TTLL2: variants seen among roughly 807,000 people sequenced by gnomAD.
TTLL2 encodes probable tubulin polyglutamylase TTLL2.
In TTLL2, 10 loss-of-function variants were observed where a neutral mutation model predicts 7.5. That is an observed-to-expected ratio of 1.33 (90% CI 0.82 to 2.25). The LOEUF (loss-of-function observed/expected upper bound fraction) is 2.25. TTLL2 is among the 30% of genes most tolerant of loss of function. TTLL2 has a pLI of 0.00. For synonymous variants in TTLL2, 284 were observed against 280.3 expected, an observed-to-expected ratio of 1.01 and a Z score of -0.13; for missense variants, 733 against 735.7, an observed-to-expected ratio of 1.00 and a Z score of 0.04.
chr6:167,328,367 C>G (rs1385167433), intron 1 of TTLL2: 2 of 310,938 alleles, frequency 6.4e-6, no homozygotes, highest in East Asian at 7.6e-5. Flanking sequence ...GCCCCATACA[C>G]CCAGGAATAT....
chr6:167,334,394 T>A (rs1778960827), intron 1 of TTLL2, among the ~76,000 whole-genome samples: 1 of 149,130 alleles, frequency 6.7e-6, no homozygotes, highest in Non-Finnish European at 1.5e-5. Flanking sequence ...AGGTGTGGTG[T>A]GGTGCTGAAA....
At chr6:167,325,955 G>A (rs1057501746) in intron 1 of TTLL2, among the ~76,000 whole-genome samples, 5 of 152,240 alleles carry the variant, frequency 3.3e-5, no homozygotes, top group African/African-American at 4.8e-5. Context: ...AACAGCGGCC[G>A]AGAACGGGTG....
chr6:167,332,359 C>T (rs1343258952), intron 1 of TTLL2, among the ~76,000 whole-genome samples: 1 of 152,152 alleles, frequency 6.6e-6, no homozygotes, highest in Admixed American at 6.5e-5. Context: ...TTTACCCTCC[C>T]GTTAGCTGAC....
rs751528909 is a variant in TTLL2 at position 167,340,121 on chromosome 6, T to C, written c.221T>C (p.Met74Thr). 5.0e-5 allele frequency: 79 copies of C among 1,578,186 alleles called. No individual in the cohort carries two copies. The highest frequency in any genetic ancestry group is 6.2e-5 in the Non-Finnish European group (72 of 1,164,458). Reference sequence around the variant, plus strand: ...CATTTTTAGAAAAAACCTCATTTGATGGCGGAAGATGAACCTTCAGGGGCC... The same window carrying C: ...CATTTTTAGAAAAAACCTCATTTGACGGCGGAAGATGAACCTTCAGGGGCC... Reference protein sequence around the residue: ...TLEKKKKPHLMAEDEPSGALL... With the variant: ...TLEKKKKPHLTAEDEPSGALL... The change falls in exon 3 of 3, where the codon ATG (methionine) becomes ACG (threonine). Residue 74 changes from methionine to threonine, a missense_variant. Physicochemically the swap from Met to Thr is moderately conservative, Grantham distance 81. Coordinates refer to ENST00000239587, the MANE Select transcript of TTLL2 (RefSeq NM_031949.5).
At chr6:167,338,553 C>T in intron 1 of TTLL2, 94 bp from the exon 2 acceptor site, 2 of 1,445,708 alleles carry the variant, frequency 1.4e-6, no homozygotes, top group South Asian at 3.2e-5. Flanking sequence ...TTTTAATAAC[C>T]ATGATGGATT....
Position 167,341,218 on chromosome 6 carries a change from G to T in TTLL2, c.1318G>T (p.Ala440Ser), listed in dbSNP as rs1779089084. The T allele has an allele frequency of 1.9e-6, 3 of 1,613,566 alleles. No individual in the cohort carries two copies. The highest frequency in any genetic ancestry group is 3.3e-5 in the Admixed American group (2 of 59,946). Residue 440 changes from alanine (A) to serine (S), a missense_variant, in exon 3 of 3, where the codon GCA becomes TCA. Transcript: ENST00000239587. The stretch of plus-strand genomic sequence containing the variant: ...ACATGGAAATTCCAACATCGACGCT[G>T]CAAAAAGTGACAGAGGTGGGCTTGA... ...ATHGNSNIDAAKSDRGGLDAP... is the reference protein window; with the variant it reads ...ATHGNSNIDASKSDRGGLDAP...
At chr6:167,337,376 A>G (rs1042533814) in intron 1 of TTLL2, among the ~76,000 whole-genome samples, 3 of 152,146 alleles carry the variant, frequency 2.0e-5, no homozygotes, top group East Asian at 1.9e-4. Context: ...TGCTGTGGGG[A>G]GACGGAACTG....
chr6:167,326,957 G>A (rs1778854610), intron 1 of TTLL2, among the ~76,000 whole-genome samples: 1 of 152,138 alleles, frequency 6.6e-6, no homozygotes, highest in African/African-American at 2.4e-5. Context: ...CACAGGAAAA[G>A]GCTGTGGCTT....
intron 1 of TTLL2, 120 bp downstream of exon 1, chr6:167,325,340 G>A (rs2115204656): frequency 1.9e-6 from 2 of 1,039,776 alleles, no homozygotes; most frequent in Middle Eastern, 2.7e-4. Context: ...AGTGTGCACT[G>A]GGACCCCCGA....
intron 1 of TTLL2, among the ~76,000 whole-genome samples, chr6:167,337,351 G>A (rs1010760518): frequency 6.6e-6 from 1 of 152,200 alleles, no homozygotes; most frequent in African/African-American, 2.4e-5. Context: ...AGGGAGGGCC[G>A]GCCACTCCTC....
At position 167,342,178 on chromosome 6, in the gene TTLL2, T is replaced by C. The variant is rs987976182; in HGVS notation, c.*499T>C. Among the ~76,000 whole-genome samples, 4 of 152,210 alleles carry C rather than the reference T, an allele frequency of 2.6e-5. No homozygotes were observed. Among genetic ancestry groups the C allele is most frequent in the Non-Finnish European group, 5.9e-5 (4 of 68,040 alleles). On this transcript the variant is annotated 3_prime_UTR_variant, in exon 3 of 3. Coordinates refer to ENST00000239587, the MANE Select transcript of TTLL2 (RefSeq NM_031949.5). ...AAATCACTGAAAGCCCTAATGACTC[T>C]GTTGTTTACAAATCCTGGGCTTGAA...
Position 167,342,168 on chromosome 6 carries a change from C to A in TTLL2, c.*489C>A, listed in dbSNP as rs78097800. On this transcript the variant is annotated 3_prime_UTR_variant, in exon 3 of 3. Coordinates refer to ENST00000239587, the MANE Select transcript of TTLL2 (RefSeq NM_031949.5). Reference sequence around the variant, plus strand: ...AGAGTGAGATAAATCACTGAAAGCCCTAATGACTCTGTTGTTTACAAATCC... The same window carrying A: ...AGAGTGAGATAAATCACTGAAAGCCATAATGACTCTGTTGTTTACAAATCC... 4.4e-3 allele frequency among the ~76,000 whole-genome samples: 664 copies of A among 152,238 alleles called. 23 individuals are homozygous for A. In the East Asian group the frequency reaches 0.091, roughly 21 times the overall value.
rs563046876 is a variant in TTLL2 at position 167,342,612 on chromosome 6, G to A, written c.*933G>A. Among the ~76,000 whole-genome samples the A allele has an allele frequency of 6.6e-6, 1 of 152,138 alleles. No individual in the cohort carries two copies. The highest frequency in any genetic ancestry group is 2.1e-4 in the South Asian group (1 of 4,810). ...TATAGAGGTGATGGTTGCACAACAC[G>A]GGGAATTCACTAAGTATCACTCATG... On this transcript the variant is annotated 3_prime_UTR_variant, in exon 3 of 3. Transcript: ENST00000239587.
intron 1 of TTLL2, among the ~76,000 whole-genome samples, chr6:167,335,772 G>C (rs1284837779): frequency 2.1e-5 from 3 of 144,562 alleles, no homozygotes; most frequent in Non-Finnish European, 4.5e-5. Flanking sequence ...ATTGAACATT[G>C]AGATCACATG....
rs937685137 is a variant in TTLL2 at position 167,342,312 on chromosome 6, A to G, written c.*633A>G. ...GTTTACCATCACAGCATGTGAGGTC[A>G]TGGCCTCCCAGATCAAAGTATGCTG... On this transcript the variant is annotated 3_prime_UTR_variant, in exon 3 of 3. Coordinates refer to ENST00000239587, the MANE Select transcript of TTLL2 (RefSeq NM_031949.5). 6.6e-6 allele frequency among the ~76,000 whole-genome samples: 1 copy of G among 152,214 alleles called. No individual in the cohort carries two copies. The highest frequency in any genetic ancestry group is 2.4e-5 in the African/African-American group (1 of 41,438).
intron 1 of TTLL2, among the ~76,000 whole-genome samples, chr6:167,327,815 T>C (rs762083437): frequency 5.3e-5 from 8 of 152,222 alleles, no homozygotes; most frequent in Non-Finnish European, 1.0e-4. Flanking sequence ...GGTCTTTTTA[T>C]ATAAAAATGT....
chr6:167,326,616 A>G (rs190286178), intron 1 of TTLL2, among the ~76,000 whole-genome samples: 47 of 152,284 alleles, frequency 3.1e-4, no homozygotes, highest in South Asian at 6.2e-4. Flanking sequence ...TTCTATGTCT[A>G]CACCAAGCTT....
intron 1 of TTLL2, among the ~76,000 whole-genome samples, chr6:167,334,431 G>A (rs1468120493): frequency 6.6e-6 from 1 of 151,512 alleles, no homozygotes; most frequent in Non-Finnish European, 1.5e-5. Context: ...TTGATTTGGG[G>A]TGGAGAGTTC....
chr6:167,334,674 C>A (rs1446985363), intron 1 of TTLL2, among the ~76,000 whole-genome samples: 2 of 115,094 alleles, frequency 1.7e-5, no homozygotes, highest in Non-Finnish European at 3.4e-5. Context: ...CACATACCTA[C>A]AACTATCTGA....
Sources: allele counts gnomAD v4.1 joint callset (sites outside exome capture counted in the v4.1 genomes callset), GRCh38; gene constraint gnomAD v4.1.1; transcripts MANE v1.5; gene names NCBI Gene and HGNC (gene_info 2026-07-23, HGNC 2026-07-21).